Variants in SEMA3A observed in about 807,000 individuals in gnomAD.
The protein encoded by SEMA3A is semaphorin-3A.
A neutral mutation model predicts 97.9 loss-of-function variants in SEMA3A; 29 were observed. That is an observed-to-expected ratio of 0.30 (90% CI 0.22 to 0.40). The LOEUF is 0.40. SEMA3A is among the 10% of genes least tolerant of loss of function. SEMA3A has a pLI of 1.00. For missense variants in SEMA3A, 763 were observed against 951.3 expected (o/e 0.80, Z 2.60); for synonymous variants, 321 against 323.7 (o/e 0.99, Z 0.09).
chr7:84,086,472 T>TATTATTATATTATATTTACATATAATAC (rs1794354116), intron 4 of SEMA3A, among the ~76,000 whole-genome samples: 1 of 14,778 alleles, frequency 6.8e-5, no homozygotes, highest in African/African-American at 2.1e-4. Context: ...ATATAATATG[T>TATTATTATATTATATTTACATATAATAC]ATTATTATAT....
chr7:84,361,070 G>A (rs546975273), intron 2 of SEMA3A, among the ~76,000 whole-genome samples: 1 of 152,120 alleles, frequency 6.6e-6, no homozygotes, highest in Admixed American at 6.6e-5. Flanking sequence ...ACTTGAAAAT[G>A]TTTTACAGCT....
chr7:84,053,675 G>C (rs1030096074), intron 5 of SEMA3A, among the ~76,000 whole-genome samples: 2,325 of 149,726 alleles, frequency 0.016, 59 homozygotes, highest in African/African-American at 0.054. Context: ...CAATTTGCCA[G>C]TCTGTGTCTT....
intron 1 of SEMA3A, among the ~76,000 whole-genome samples, chr7:84,406,834 T>G (rs1291885261): frequency 6.6e-6 from 1 of 152,192 alleles, no homozygotes; most frequent in Non-Finnish European, 1.5e-5. Context: ...AGAAAAGGCC[T>G]TTGACAAAAT....
chr7:84,164,930 T>G (rs1797152489), intron 1 of SEMA3A, among the ~76,000 whole-genome samples: 1 of 152,042 alleles, frequency 6.6e-6, no homozygotes, highest in South Asian at 2.1e-4. Flanking sequence ...AGCGCTACCT[T>G]AGGAAAATCT....
chr7:84,287,228 GACAA>G (rs1321793478), intron 3 of SEMA3A, among the ~76,000 whole-genome samples: 1 of 151,840 alleles, frequency 6.6e-6, no homozygotes, highest in East Asian at 1.9e-4. Flanking sequence ...AGGTATAATT[GACAA>G]ACAAAAGATG....
Position 84,007,503 on chromosome 7 carries a change from C to G in SEMA3A, c.996-6G>C. ...CTGATCCCTTGAAAATGTTACTGAA[C>G]AAGACAGCAAGAATAAAAACAGAAG... On this transcript the variant is annotated splice_polypyrimidine_tract_variant and splice_region_variant and intron_variant, in intron 9 of 16. Transcript: ENST00000265362. 1 of 1,520,288 alleles carries G rather than the reference C, an allele frequency of 6.6e-7. No homozygotes were observed. The highest frequency in any genetic ancestry group is 8.8e-7 in the Non-Finnish European group (1 of 1,130,756). The allele number at this position is 1,520,288 out of a possible 1,614,324, so 94.2% of individuals were successfully genotyped here. A position where few individuals can be genotyped will look rare whatever the true frequency, so the allele number is the denominator to read the frequency against.
At chr7:84,296,539 G>A (rs1800876135) in intron 3 of SEMA3A, among the ~76,000 whole-genome samples, 1 of 152,098 alleles carries the variant, frequency 6.6e-6, no homozygotes, top group Non-Finnish European at 1.5e-5. Context: ...GAGTAGTGTT[G>A]CTTTACAGGG....
chr7:84,287,064 T>G (rs1402380039), intron 3 of SEMA3A, among the ~76,000 whole-genome samples: 1 of 152,138 alleles, frequency 6.6e-6, no homozygotes, highest in Non-Finnish European at 1.5e-5. Flanking sequence ...CAGGCTATTT[T>G]TATCTCTTGA....
intron 3 of SEMA3A, among the ~76,000 whole-genome samples, chr7:84,290,150 A>C (rs997032939): frequency 6.6e-6 from 1 of 152,106 alleles, no homozygotes; most frequent in African/African-American, 2.4e-5. Flanking sequence ...AAGATGAAAA[A>C]ATTCCGTTAT....
In SEMA3A at chr7:84,388,878, C is replaced by T. The variant is rs567203156; in HGVS notation, c.-245-16978G>A. On this transcript the variant is annotated intron_variant, in intron 1 of 3. Coordinates refer to the SEMA3A transcript ENST00000424555. The stretch of plus-strand genomic sequence containing the variant: ...CAAGAGCTGTGTAGAAACAAAGCTT[C>T]GTTAGTATGATTCTAAGTGATTATA... Among the ~76,000 whole-genome samples, 11 of 151,980 alleles carry T rather than the reference C, an allele frequency of 7.2e-5. No homozygotes were observed. In the South Asian group the frequency reaches 2.1e-3, roughly 29 times the overall value.
chr7:84,091,163 GGAAGGAAAGAAAGAAAGAAAGAAA>G (rs1235983383), intron 4 of SEMA3A, among the ~76,000 whole-genome samples: 1 of 25,624 alleles, frequency 3.9e-5, no homozygotes, highest in African/African-American at 1.2e-4. Flanking sequence ...AAGGAAGGAA[GGAAGGAAAGAAAGAAAGAAAGAAA>G]GAAAGAAAGA....
chr7:84,054,498 G>A (rs552179325), intron 5 of SEMA3A, among the ~76,000 whole-genome samples: 1 of 151,890 alleles, frequency 6.6e-6, no homozygotes, highest in South Asian at 2.1e-4. Context: ...GATCGCATCG[G>A]CTCCTGAGAC....
chr7:84,296,084 C>A (rs922484523), intron 3 of SEMA3A, among the ~76,000 whole-genome samples: 2 of 152,054 alleles, frequency 1.3e-5, no homozygotes, highest in Admixed American at 1.3e-4. Context: ...CAGAGAATTC[C>A]TGACTTAAGA....
intron 1 of SEMA3A, among the ~76,000 whole-genome samples, chr7:84,381,990 G>A (rs930481929): frequency 3.9e-5 from 6 of 152,182 alleles, no homozygotes; most frequent in Non-Finnish European, 8.8e-5. Flanking sequence ...GCCCAGGTGT[G>A]AGGTTTGTGC....
intron 15 of SEMA3A, among the ~76,000 whole-genome samples, chr7:83,976,460 T>C (rs1401245878): frequency 6.6e-6 from 1 of 152,128 alleles, no homozygotes; most frequent in East Asian, 1.9e-4. Context: ...ATTTCCATAG[T>C]AATATGGCAT....
intron 12 of SEMA3A, among the ~76,000 whole-genome samples, chr7:83,990,862 A>G (rs1584514342): frequency 6.6e-6 from 1 of 151,368 alleles, no homozygotes; most frequent in South Asian, 2.1e-4. Flanking sequence ...GAAGAAAGGC[A>G]TTGGTAGCTT....
At chr7:84,163,509 AATAATGTGCAC>A (rs1199625568) in intron 1 of SEMA3A, among the ~76,000 whole-genome samples, 1 of 152,212 alleles carries the variant, frequency 6.6e-6, no homozygotes, top group African/African-American at 2.4e-5. Context: ...ATTCAGCTTA[AATAATGTGCAC>A]ATTCTGATAT....
In SEMA3A at chr7:83,985,291, C is replaced by A. The variant is rs908837417; in HGVS notation, c.1494+145G>T. On this transcript the variant is annotated intron_variant, in intron 13 of 16. Transcript: ENST00000265362. ...CTATCTTCAGTTTCTAATCTACTAG[C>A]TTATTGTAAGAATGATATTTGTTTT... The A allele has an allele frequency of 2.9e-4, 172 of 584,638 alleles. 1 individual carries two copies. Among genetic ancestry groups the A allele is most frequent in the Non-Finnish European group, 6.2e-5 (21 of 337,270 alleles). 36.2% of individuals were successfully genotyped at this position (584,638 alleles called of 1,614,324 possible). A position where few individuals can be genotyped will look rare whatever the true frequency, so the allele number is the denominator to read the frequency against.
chr7:84,130,768 G>A (rs1255306745), intron 2 of SEMA3A, among the ~76,000 whole-genome samples: 1 of 150,662 alleles, frequency 6.6e-6, no homozygotes, highest in African/African-American at 2.4e-5. Context: ...TTTTCTCTAG[G>A]GCATAACAAT....
Sources: allele counts gnomAD v4.1 joint callset (sites outside exome capture counted in the v4.1 genomes callset), GRCh38; gene constraint gnomAD v4.1.1; transcripts MANE v1.5; gene names NCBI Gene and HGNC (gene_info 2026-07-23, HGNC 2026-07-21).